The following MTUS2 variants were observed in gnomAD, a reference collection of about 807,000 sequenced individuals.
MTUS2 encodes microtubule-associated tumor suppressor candidate 2.
In MTUS2, 40 loss-of-function variants were observed where a neutral mutation model predicts 114.1. That is an observed-to-expected ratio of 0.35 (90% CI 0.27 to 0.46). The LOEUF is 0.46. Ranked by LOEUF, MTUS2 falls within the 20% of genes least tolerant of loss-of-function variation. MTUS2 has a pLI of 1.00. For missense variants in MTUS2, 1,679 were observed against 1,705.4 expected (o/e 0.98, Z 0.27); for synonymous variants, 688 against 672.0 (o/e 1.02, Z -0.37).
intron 4 of MTUS2, among the ~76,000 whole-genome samples, chr13:29,087,360 A>G (rs1054479776): frequency 2.6e-5 from 4 of 152,152 alleles, no homozygotes; most frequent in Admixed American, 2.0e-4. Context: ...TGAGATTATT[A>G]TGTGGTTTGT....
At chr13:29,238,027 A>G (rs1034035066) in intron 5 of MTUS2, among the ~76,000 whole-genome samples, 1 of 152,202 alleles carries the variant, frequency 6.6e-6, no homozygotes, top group Non-Finnish European at 1.5e-5. Flanking sequence ...TCAAAAAATT[A>G]GAATTACCAT....
chr13:29,092,572 C>G (rs1458709726), intron 4 of MTUS2, among the ~76,000 whole-genome samples: 1 of 152,164 alleles, frequency 6.6e-6, no homozygotes, highest in African/African-American at 2.4e-5. Context: ...TTCGGAACCT[C>G]TGAATGCGGG....
intron 2 of MTUS2, among the ~76,000 whole-genome samples, chr13:29,023,927 C>T (rs564013714): frequency 6.6e-6 from 1 of 152,272 alleles, no homozygotes; most frequent in African/African-American, 2.4e-5. Context: ...AATGTGGTGT[C>T]TACCAGATCT....
At chr13:29,483,419 C>A (rs1044792952) in intron 10 of MTUS2, among the ~76,000 whole-genome samples, 2 of 152,248 alleles carry the variant, frequency 1.3e-5, no homozygotes, top group South Asian at 4.1e-4. Context: ...GGCTGGCTCT[C>A]TGCCCACGGC....
At chr13:29,317,130 C>T (rs550667081) in intron 6 of MTUS2, among the ~76,000 whole-genome samples, 2 of 152,208 alleles carry the variant, frequency 1.3e-5, no homozygotes, top group East Asian at 3.9e-4. Flanking sequence ...CTAATGGAGG[C>T]CTAATTTTTC....
At chr13:29,183,739 A>G (rs1894103586) in intron 5 of MTUS2, among the ~76,000 whole-genome samples, 1 of 152,238 alleles carries the variant, frequency 6.6e-6, no homozygotes, top group African/African-American at 2.4e-5. Context: ...TGGAAGCTAA[A>G]TGAAAACAAA....
chr13:28,822,193 A>C (rs1030715467), intron 1 of MTUS2, among the ~76,000 whole-genome samples: 1 of 152,232 alleles, frequency 6.6e-6, no homozygotes, highest in Non-Finnish European at 1.5e-5. Context: ...TGTCTCCCTT[A>C]TGTAATCCCA....
chr13:29,052,963 T>G (rs1887971790), intron 4 of MTUS2, among the ~76,000 whole-genome samples: 1 of 152,224 alleles, frequency 6.6e-6, no homozygotes, highest in Non-Finnish European at 1.5e-5. Flanking sequence ...CACTGGGCAC[T>G]CATTCTCTCT....
In MTUS2 at chr13:29,471,323, C is replaced by T. The variant is rs370235886; in HGVS notation, c.3185-8827C>T. Among the ~76,000 whole-genome samples the T allele has an allele frequency of 5.5e-4, 83 of 152,046 alleles. 1 individual carries two copies. The highest frequency in any genetic ancestry group is 2.1e-3 in the South Asian group (10 of 4,784). On this transcript the variant is annotated intron_variant, in intron 9 of 15. Transcript: ENST00000612955. ...ACATCACTGCACTCCAGCAACAGAG[C>T]GAGACTCCATCTCAAAAATAATAAT...
intron 2 of MTUS2, among the ~76,000 whole-genome samples, chr13:28,909,174 C>CT (rs1880243335): frequency 1.3e-5 from 2 of 150,982 alleles, no homozygotes; most frequent in Non-Finnish European, 3.0e-5. Flanking sequence ...GCGATGCGGG[C>CT]TTTTTTTTGG....
At chr13:29,462,556 A>G (rs1267281230) in intron 9 of MTUS2, among the ~76,000 whole-genome samples, 2 of 152,114 alleles carry the variant, frequency 1.3e-5, no homozygotes, top group African/African-American at 2.4e-5. Context: ...TTCCAGATGT[A>G]GTGAAAAGGC....
Position 29,291,820 on chromosome 13 carries a change from A to G in MTUS2, c.2806+9955A>G, listed in dbSNP as rs374193798. Among the ~76,000 whole-genome samples, 5 of 137,642 alleles carry G rather than the reference A, an allele frequency of 3.6e-5. No homozygotes were observed. The East Asian group carries it at 5.9e-4, about 16-fold the overall frequency. 90.3% of individuals were successfully genotyped at this position (137,642 alleles called of 152,430 possible). A position where few individuals can be genotyped will look rare whatever the true frequency, so the allele number is the denominator to read the frequency against. On this transcript the variant is annotated intron_variant, in intron 6 of 15. Coordinates refer to ENST00000612955, the MANE Select transcript of MTUS2 (RefSeq NM_001033602.4). ...AATGGAATTGAGTTGTCAAGGCAGG[A>G]CATAGTTGGGAAAACAAAGCAGAAA...
At chr13:29,469,353 G>A (rs543686652) in intron 9 of MTUS2, among the ~76,000 whole-genome samples, 2 of 152,306 alleles carry the variant, frequency 1.3e-5, no homozygotes, top group South Asian at 4.1e-4. Context: ...AGGCGGCCAG[G>A]CGTGGTGGCT....
At chr13:29,471,479 G>A (rs1387645713) in intron 9 of MTUS2, among the ~76,000 whole-genome samples, 4 of 152,122 alleles carry the variant, frequency 2.6e-5, no homozygotes, top group African/African-American at 7.2e-5. Flanking sequence ...TAAAGTCAAC[G>A]CCAGTTTATT....
intron 8 of MTUS2, among the ~76,000 whole-genome samples, chr13:29,365,551 AG>A (rs1463931823): frequency 1.2e-5 from 1 of 86,444 alleles, no homozygotes; most frequent in Non-Finnish European, 2.7e-5. Context: ...ACTTTTTTGA[AG>A]GCAGATAGGT....
At chr13:28,922,550 C>T (rs926980215) in intron 2 of MTUS2, among the ~76,000 whole-genome samples, 1 of 152,120 alleles carries the variant, frequency 6.6e-6, no homozygotes, top group Admixed American at 6.5e-5. Context: ...CCAAATGCTC[C>T]CTCTCTGGGT....
intron 3 of MTUS2, among the ~76,000 whole-genome samples, chr13:29,031,802 C>G (rs1339328676): frequency 6.6e-6 from 1 of 151,968 alleles, no homozygotes. Context: ...AGACACCCTT[C>G]CCCCACCACT....
At chr13:29,219,901 G>A (rs1895836969) in intron 5 of MTUS2, among the ~76,000 whole-genome samples, 1 of 152,040 alleles carries the variant, frequency 6.6e-6, no homozygotes, top group South Asian at 2.1e-4. Context: ...GGAATGTTGT[G>A]GTTGGTTTGA....
At chr13:28,909,165 C>G (rs543236621) in intron 2 of MTUS2, among the ~76,000 whole-genome samples, 3 of 151,412 alleles carry the variant, frequency 2.0e-5, no homozygotes, top group African/African-American at 7.3e-5. Flanking sequence ...ATTGACTTGG[C>G]GATGCGGGCT....
Sources: allele counts gnomAD v4.1 joint callset (sites outside exome capture counted in the v4.1 genomes callset), GRCh38; gene constraint gnomAD v4.1.1; transcripts MANE v1.5; gene names NCBI Gene and HGNC (gene_info 2026-07-23, HGNC 2026-07-21).